The following IL7 variants were observed in gnomAD, a reference collection of about 807,000 sequenced individuals.
IL7 encodes interleukin-7.
A neutral mutation model predicts 21.6 loss-of-function variants in IL7; 3 were observed. The ratio of observed to expected loss-of-function variants is 0.14; its 90% CI spans 0.06 to 0.36. The LOEUF is 0.36. Among genes scored for constraint, IL7 ranks in the 10% least tolerant of loss-of-function variants. IL7 has a pLI of 1.00. For missense variants in IL7, 175 were observed against 200.2 expected (o/e 0.87, Z 0.76); for synonymous variants, 62 against 68.1 (o/e 0.91, Z 0.44).
intron 2 of IL7, among the ~76,000 whole-genome samples, chr8:78,768,588 C>A (rs988924105): frequency 1.2e-4 from 18 of 151,138 alleles, no homozygotes; most frequent in Non-Finnish European, 2.1e-4. Flanking sequence ...AGTGTCTGTT[C>A]ATGTCCTTTG....
At chr8:78,756,943 C>G (rs1812368293) in intron 2 of IL7, among the ~76,000 whole-genome samples, 1 of 151,346 alleles carries the variant, frequency 6.6e-6, no homozygotes, top group South Asian at 2.1e-4. Context: ...GCTTGGATCC[C>G]TCTTGCTTTT....
At chr8:78,782,950 G>A (rs901470356) in intron 2 of IL7, among the ~76,000 whole-genome samples, 1 of 152,174 alleles carries the variant, frequency 6.6e-6, no homozygotes, top group Non-Finnish European at 1.5e-5. Context: ...AGCCTAAAGA[G>A]GCAGTCTGGT....
downstream of IL7, chr8:78,675,701 C>T (rs909717853): frequency 2.5e-6 from 3 of 1,215,202 alleles, no homozygotes; most frequent in Non-Finnish European, 3.4e-6. Context: ...GATAATTTAC[C>T]TATAAAACTA....
chr8:78,756,513 A>G lies in IL7; in HGVS notation c.148-16431T>C, dbSNP rs1393008911. 2.0e-5 allele frequency among the ~76,000 whole-genome samples: 3 copies of G among 151,892 alleles called. No individual in the cohort carries two copies. The East Asian group carries it at 5.8e-4, about 29-fold the overall frequency. On this transcript the variant is annotated intron_variant, in intron 2 of 5. Coordinates refer to ENST00000263851, the MANE Select transcript of IL7 (RefSeq NM_000880.4). ...CTTGTTACTCGTTATTGGTCTGTTC[A>G]TGTTTCCTATTTATTTCTGGTTCTG...
intron 3 of IL7, among the ~76,000 whole-genome samples, chr8:78,724,481 A>G (rs1811306701): frequency 6.6e-6 from 1 of 151,700 alleles, no homozygotes; most frequent in Non-Finnish European, 1.5e-5. Context: ...AGAACTAGAA[A>G]GTTTTAAAAA....
chr8:78,790,510 A>G (rs140289683), intron 2 of IL7, among the ~76,000 whole-genome samples: 12 of 152,244 alleles, frequency 7.9e-5, no homozygotes, highest in Non-Finnish European at 1.5e-4. Context: ...TTATTAATTA[A>G]ACATTTGAAA....
intron 2 of IL7, among the ~76,000 whole-genome samples, chr8:78,744,619 G>A (rs1811914598): frequency 6.6e-6 from 1 of 152,154 alleles, no homozygotes; most frequent in Admixed American, 6.5e-5. Context: ...TTGGCCCACT[G>A]GATTCAGCCT....
chr8:78,779,009 T>G (rs908156509), intron 2 of IL7, among the ~76,000 whole-genome samples: 1 of 152,170 alleles, frequency 6.6e-6, no homozygotes, highest in African/African-American at 2.4e-5. Flanking sequence ...TTAGCAATTG[T>G]AAATGGGAGT....
In IL7 at chr8:78,792,610, A is replaced by G. The variant is rs552959331; in HGVS notation, c.147+5462T>C. Among the ~76,000 whole-genome samples the G allele has an allele frequency of 5.9e-5, 9 of 152,262 alleles. No individual in the cohort carries two copies. The South Asian group carries it at 8.3e-4, about 14-fold the overall frequency. On this transcript the variant is annotated intron_variant, in intron 2 of 5. Coordinates refer to ENST00000263851, the MANE Select transcript of IL7 (RefSeq NM_000880.4). ...AATCCAATTTAAAAGTGGGTGAAAG[A>G]TTTGAATAAACAATTCTCCAAAAGA...
At chr8:78,691,532 C>T (rs1276348143) in intron 3 of IL7, among the ~76,000 whole-genome samples, 1 of 151,710 alleles carries the variant, frequency 6.6e-6, no homozygotes, top group East Asian at 1.9e-4. Flanking sequence ...AATCTAGTAA[C>T]TTCATCTTGT....
intron 1 of IL7, among the ~76,000 whole-genome samples, chr8:78,802,371 A>T (rs1016364127): frequency 6.6e-6 from 1 of 152,160 alleles, no homozygotes; most frequent in Non-Finnish European, 1.5e-5. Flanking sequence ...TCACATTTAT[A>T]GATGGAGAAT....
At chr8:78,804,302 C>A (rs544451460) in intron 1 of IL7, among the ~76,000 whole-genome samples, 32 of 152,230 alleles carry the variant, frequency 2.1e-4, no homozygotes, top group Middle Eastern at 3.4e-3. Context: ...ACAAAAAAAC[C>A]CAGAAGCTGG....
intron 4 of IL7, chr8:78,679,523 A>AT (rs1441618696): frequency 6.6e-6 from 1 of 151,996 alleles, no homozygotes; most frequent in African/African-American, 2.4e-5. Flanking sequence ...AAAGTTTCTG[A>AT]TTCATGGTTG....
At chr8:78,773,262 T>C (rs145082167) in intron 2 of IL7, among the ~76,000 whole-genome samples, 80 of 152,028 alleles carry the variant, frequency 5.3e-4, no homozygotes, top group African/African-American at 1.6e-3. Context: ...GTCTTTGGGA[T>C]GTGGGAGGAA....
chr8:78,750,387 A>G (rs1054843827), intron 2 of IL7, among the ~76,000 whole-genome samples: 1 of 152,012 alleles, frequency 6.6e-6, no homozygotes, highest in African/African-American at 2.4e-5. Flanking sequence ...TTTACTCAGA[A>G]CATTATAATC....
chr8:78,786,508 A>C (rs1361363545), intron 2 of IL7, among the ~76,000 whole-genome samples: 1 of 152,218 alleles, frequency 6.6e-6, no homozygotes, highest in Non-Finnish European at 1.5e-5. Flanking sequence ...CTATACCTTT[A>C]TATGACTGGC....
intron 2 of IL7, among the ~76,000 whole-genome samples, chr8:78,780,048 T>G (rs1341693566): frequency 1.3e-5 from 2 of 152,216 alleles, no homozygotes; most frequent in Non-Finnish European, 2.9e-5. Context: ...TATTCTCTGA[T>G]GGTTGTTTGT....
At chr8:78,762,223 A>G in intron 2 of IL7, 2 of 1,580,408 alleles carry the variant, frequency 1.3e-6, no homozygotes, top group Non-Finnish European at 1.7e-6. Context: ...GACCAGTTCT[A>G]CAGATCATAG....
At chr8:78,781,819 A>G (rs1417474150) in intron 2 of IL7, among the ~76,000 whole-genome samples, 1 of 152,118 alleles carries the variant, frequency 6.6e-6, no homozygotes, top group Non-Finnish European at 1.5e-5. Context: ...ATGTTTTCCA[A>G]GTTAGTTCAA....
Sources: allele counts gnomAD v4.1 joint callset (sites outside exome capture counted in the v4.1 genomes callset), GRCh38; gene constraint gnomAD v4.1.1; transcripts MANE v1.5; gene names NCBI Gene and HGNC (gene_info 2026-07-23, HGNC 2026-07-21).